Variants in ACVR1C observed in about 807,000 individuals in gnomAD.
ACVR1C encodes the protein activin receptor type-1C.
A neutral mutation model predicts 57.9 loss-of-function variants in ACVR1C; 23 were observed. The ratio of observed to expected loss-of-function variants is 0.40; its 90% CI spans 0.29 to 0.56. The LOEUF (loss-of-function observed/expected upper bound fraction) is 0.56, where lower values mean the gene tolerates loss of function less well. Ranked by LOEUF, ACVR1C falls within the 20% of genes least tolerant of loss-of-function variation. The probability of loss-of-function intolerance (pLI) is 0.50; values close to 1 mark genes in which losing one functional copy is unlikely to be tolerated. For synonymous variants in ACVR1C, 214 were observed against 215.3 expected, an observed-to-expected ratio of 0.99 and a Z score of 0.05; for missense variants, 480 against 607.9, an observed-to-expected ratio of 0.79 and a Z score of 2.21.
At chr2:157,535,715 G>A (rs1330831866) in intron 8 of ACVR1C, among the ~76,000 whole-genome samples, 3 of 152,038 alleles carry the variant, frequency 2.0e-5, no homozygotes, top group Non-Finnish European at 2.9e-5. Flanking sequence ...CCTGGGAGGC[G>A]GAGGTAGCAG....
chr2:157,534,107 A>C, intron 8 of ACVR1C, 64 bp from the exon 9 acceptor site: 1 of 1,353,610 alleles, frequency 7.4e-7, no homozygotes, highest in Non-Finnish European at 9.6e-7. Flanking sequence ...GCACAAAAGA[A>C]GTAAAGCCAT....
intron 1 of ACVR1C, among the ~76,000 whole-genome samples, chr2:157,590,201 G>A (rs996997894): frequency 3.3e-5 from 5 of 151,790 alleles, no homozygotes; most frequent in African/African-American, 7.2e-5. Context: ...TGAACTTTTC[G>A]TTAAATCACA....
chr2:157,550,239 A>T lies in ACVR1C; in HGVS notation c.698T>A (p.Phe233Tyr). Residue 233 changes from phenylalanine (F) to tyrosine (Y), a missense_variant, in exon 4 of 9, where the codon TTT becomes TAT. Transcript: ENST00000243349. ...IFSSRDERSW[F>Y]REAEIYQTVM... ...CGTCTGGTAAATTTCTGCCTCACGA[A>T]ACCAAGATCTTTCATCTCTGGAGGA... 1 of 1,614,100 alleles carries T rather than the reference A, an allele frequency of 6.2e-7. No individual in the cohort carries two copies. Among genetic ancestry groups the T allele is most frequent in the Non-Finnish European group, 8.5e-7 (1 of 1,180,018 alleles).
chr2:157,596,252 T>C (rs1347498223), intron 1 of ACVR1C, among the ~76,000 whole-genome samples: 1 of 152,172 alleles, frequency 6.6e-6, no homozygotes, highest in Non-Finnish European at 1.5e-5. Flanking sequence ...AGAAATCCTT[T>C]GTCATATGTG....
At chr2:157,546,950 G>A (rs369988234) in intron 4 of ACVR1C, among the ~76,000 whole-genome samples, 75 of 150,776 alleles carry the variant, frequency 5.0e-4, no homozygotes, top group East Asian at 4.5e-3. Context: ...TATATCTCCC[G>A]ATGCTATCCC....
intron 2 of ACVR1C, among the ~76,000 whole-genome samples, chr2:157,557,687 T>A (rs954675190): frequency 6.6e-6 from 1 of 152,156 alleles, no homozygotes; most frequent in Non-Finnish European, 1.5e-5. Context: ...CTAGTGGTAT[T>A]CCTATAAGAG....
chr2:157,559,989 G>C (rs1211072994), intron 2 of ACVR1C, among the ~76,000 whole-genome samples: 1 of 150,258 alleles, frequency 6.7e-6, no homozygotes, highest in Non-Finnish European at 1.5e-5. Flanking sequence ...GGGAGGGAGG[G>C]AGGAAACGAA....
intron 1 of ACVR1C, among the ~76,000 whole-genome samples, chr2:157,590,439 T>C (rs562593992): frequency 6.6e-6 from 1 of 152,066 alleles, no homozygotes; most frequent in African/African-American, 2.4e-5. Context: ...ACAAATTCTA[T>C]ATCAATCATA....
intron 2 of ACVR1C, among the ~76,000 whole-genome samples, chr2:157,562,458 AAAAAAT>A (rs1159607771): frequency 1.4e-4 from 18 of 128,088 alleles, no homozygotes; most frequent in African/African-American, 5.1e-4. Context: ...CTACCAACCA[AAAAAAT>A]AAAATAAAAT....
chr2:157,566,567 G>A (rs558048820), intron 2 of ACVR1C, among the ~76,000 whole-genome samples: 1 of 152,254 alleles, frequency 6.6e-6, no homozygotes, highest in South Asian at 2.1e-4. Flanking sequence ...AGGGGTCAGG[G>A]AGTTCCCTTT....
chr2:157,626,795 A>C (rs1319349367), intron 1 of ACVR1C, among the ~76,000 whole-genome samples: 1 of 152,234 alleles, frequency 6.6e-6, no homozygotes, highest in Non-Finnish European at 1.5e-5. Context: ...AAACTTCTTA[A>C]GGAGATTTGA....
At chr2:157,620,955 C>T (rs2105158432) in intron 1 of ACVR1C, among the ~76,000 whole-genome samples, 1 of 152,104 alleles carries the variant, frequency 6.6e-6, no homozygotes, top group African/African-American at 2.4e-5. Context: ...ATAACAACGA[C>T]AAAATAGATT....
chr2:157,556,358 G>A (rs1305038418), intron 2 of ACVR1C, 26 bp from the exon 3 acceptor site: 4 of 1,609,396 alleles, frequency 2.5e-6, no homozygotes, highest in Non-Finnish European at 2.5e-6. Flanking sequence ...GAAAGAACAT[G>A]ACCATAAATC....
chr2:157,603,901 C>T (rs2603276), intron 1 of ACVR1C, among the ~76,000 whole-genome samples: 71,310 of 151,832 alleles, frequency 0.47, 18,077 homozygotes, highest in East Asian at 0.68. Flanking sequence ...AATGTTATAA[C>T]TGCATATGGC....
At chr2:157,551,587 T>C (rs1160454187) in intron 3 of ACVR1C, among the ~76,000 whole-genome samples, 1 of 152,220 alleles carries the variant, frequency 6.6e-6, no homozygotes, top group Admixed American at 6.5e-5. Context: ...TTATTTCTCT[T>C]GGTGAAACCG....
intron 2 of ACVR1C, among the ~76,000 whole-genome samples, chr2:157,577,906 G>T (rs576737006): frequency 4.6e-5 from 7 of 151,780 alleles, no homozygotes; most frequent in Non-Finnish European, 8.8e-5. Flanking sequence ...TTGGAAACAG[G>T]GTCTCATGCT....
intron 4 of ACVR1C, among the ~76,000 whole-genome samples, chr2:157,549,216 A>G (rs113182004): frequency 0.017 from 2,592 of 152,156 alleles, 76 homozygotes; most frequent in African/African-American, 0.059. Context: ...TTAGCCAGGC[A>G]TGGTGGCAGG....
Position 157,533,054 on chromosome 2 carries a change from T to C in ACVR1C, c.*864A>G, listed in dbSNP as rs1417283488. ...TCTGAGATTTTGTGCGGGTCCATTA[T>C]GATTCTGCAAAATAACTCAATATGC... On this transcript the variant is annotated 3_prime_UTR_variant, in exon 9 of 9. Transcript: ENST00000243349. 1 of 152,214 alleles carries C rather than the reference T, an allele frequency of 6.6e-6. No individual in the cohort carries two copies. Among genetic ancestry groups the C allele is most frequent in the Non-Finnish European group, 1.5e-5 (1 of 68,028 alleles). 9.4% of individuals were successfully genotyped at this position (152,214 alleles called of 1,614,324 possible). A position where few individuals can be genotyped will look rare whatever the true frequency, so the allele number is the denominator to read the frequency against.
At chr2:157,596,574 T>C (rs1362154519) in intron 1 of ACVR1C, among the ~76,000 whole-genome samples, 1 of 152,212 alleles carries the variant, frequency 6.6e-6, no homozygotes, top group Admixed American at 6.5e-5. Context: ...CTGCAATTTA[T>C]TTTGCTTTAA....
Sources: allele counts gnomAD v4.1 joint callset (sites outside exome capture counted in the v4.1 genomes callset), GRCh38; gene constraint gnomAD v4.1.1; transcripts MANE v1.5; gene names NCBI Gene and HGNC (gene_info 2026-07-23, HGNC 2026-07-21).